Variants in STOX2 observed in about 807,000 individuals in gnomAD.
The protein encoded by STOX2 is storkhead-box protein 2.
STOX2 carries 28 observed loss-of-function variants against 60.9 expected under a neutral mutation model. That is an observed-to-expected ratio of 0.46 (90% CI 0.34 to 0.63). STOX2 has a LOEUF of 0.63. Among genes scored for constraint, STOX2 ranks in the 30% least tolerant of loss-of-function variants. The pLI is 0.01. For missense variants in STOX2, 1,024 were observed against 1,187.7 expected (o/e 0.86, Z 2.03); for synonymous variants, 472 against 463.9 (o/e 1.02, Z -0.22).
chr4:183,917,781 T>C (rs1004731090), intron 1 of STOX2, among the ~76,000 whole-genome samples: 30 of 152,364 alleles, frequency 2.0e-4, no homozygotes, highest in African/African-American at 7.0e-4. Context: ...AATGCCTTTA[T>C]GTGGTAAGGC....
At chr4:183,913,116 GA>G (rs1263024409) in intron 1 of STOX2, among the ~76,000 whole-genome samples, 1 of 152,150 alleles carries the variant, frequency 6.6e-6, no homozygotes, top group East Asian at 1.9e-4. Context: ...GGGTCTTGAA[GA>G]AGTGGGTCGA....
chr4:183,992,055 C>G (rs1733130939), intron 1 of STOX2, among the ~76,000 whole-genome samples: 1 of 152,174 alleles, frequency 6.6e-6, no homozygotes, highest in African/African-American at 2.4e-5. Flanking sequence ...CTCTGTGTAT[C>G]TGATCTGATC....
intron 1 of STOX2, among the ~76,000 whole-genome samples, chr4:183,850,130 A>T (rs1414280454): frequency 2.0e-5 from 3 of 151,604 alleles, no homozygotes; most frequent in Non-Finnish European, 4.4e-5. Context: ...CAGCTGGCTA[A>T]TTTTTTGTAT....
intron 1 of STOX2, among the ~76,000 whole-genome samples, chr4:183,897,561 T>G (rs545885193): frequency 6.6e-6 from 1 of 152,350 alleles, no homozygotes; most frequent in East Asian, 1.9e-4. Flanking sequence ...TTTAGTGAAA[T>G]GAGCAACTTT....
intron 1 of STOX2, among the ~76,000 whole-genome samples, chr4:183,920,915 C>A (rs1742082215): frequency 6.6e-6 from 1 of 152,180 alleles, no homozygotes; most frequent in Non-Finnish European, 1.5e-5. Flanking sequence ...AGGTACCTGA[C>A]AACAAAATTT....
chr4:183,959,135 A>G (rs1369424111), intron 1 of STOX2, among the ~76,000 whole-genome samples: 1 of 152,002 alleles, frequency 6.6e-6, no homozygotes, highest in Non-Finnish European at 1.5e-5. Flanking sequence ...CAGCTGTAAC[A>G]CTTGGATTTT....
At position 184,011,285 on chromosome 4, in the gene STOX2, G is replaced by A; in HGVS notation, c.2447G>A (p.Arg816Lys). ...CGGGAGAAGGAAAGAGACTTGCAGA[G>A]GAAATTTGAAAAGAACCTCACCCTT... ...LEREKERDLQ[R>K]KFEKNLTLLA... The change falls in exon 3 of 4, where the codon AGG becomes AAG. Residue 816 changes from arginine (R) to lysine (K), a missense_variant. By Grantham distance (26) the Arg-to-Lys change is conservative. Coordinates refer to ENST00000308497, the MANE Select transcript of STOX2 (RefSeq NM_020225.3). This position sits in a 1 kb window ranked among gnomAD's most constrained non-coding sequence, Gnocchi z 4.4. 6.2e-7 allele frequency: 1 copy of A among 1,613,938 alleles called. No homozygotes were observed. The highest frequency in any genetic ancestry group is 8.5e-7 in the Non-Finnish European group (1 of 1,179,856).
intron 1 of STOX2, among the ~76,000 whole-genome samples, chr4:183,880,878 C>G (rs924939653): frequency 1.3e-5 from 2 of 151,830 alleles, no homozygotes; most frequent in Admixed American, 1.3e-4. Context: ...TTTTTTTTCA[C>G]CTGTGTACAG....
intron 1 of STOX2, among the ~76,000 whole-genome samples, chr4:183,999,724 G>C (rs945211580): frequency 6.6e-6 from 1 of 152,094 alleles, no homozygotes; most frequent in Non-Finnish European, 1.5e-5. Flanking sequence ...TGATTTCATC[G>C]AGCAAACCAT....
chr4:183,834,489 G>C (rs1268401670), intron 1 of STOX2, among the ~76,000 whole-genome samples: 1 of 151,990 alleles, frequency 6.6e-6, no homozygotes, highest in East Asian at 1.9e-4. Context: ...GGAGAGGTGC[G>C]GAGTTGGAAT....
chr4:183,979,323 A>G (rs1732566484), intron 1 of STOX2, among the ~76,000 whole-genome samples: 1 of 152,202 alleles, frequency 6.6e-6, no homozygotes, highest in South Asian at 2.1e-4. Flanking sequence ...AGATGGTGTT[A>G]ACTCATTCAT....
intron 1 of STOX2, among the ~76,000 whole-genome samples, chr4:183,837,774 G>C (rs567670603): frequency 6.6e-5 from 10 of 152,212 alleles, no homozygotes; most frequent in Non-Finnish European, 1.2e-4. Context: ...GCATGTTGTA[G>C]CACATATTAA....
chr4:183,855,021 A>T (rs1740254556), intron 1 of STOX2, among the ~76,000 whole-genome samples: 1 of 152,244 alleles, frequency 6.6e-6, no homozygotes, highest in Admixed American at 6.5e-5. Context: ...ATTAATGTTT[A>T]AGCAAGAAAC....
chr4:184,009,380 C>G lies in STOX2; in HGVS notation c.542C>G (p.Ser181Cys). The G allele has an allele frequency of 6.2e-7, 1 of 1,614,070 alleles. No individual in the cohort carries two copies. Among genetic ancestry groups the G allele is most frequent in the Non-Finnish European group, 8.5e-7 (1 of 1,179,898 alleles). ...CCGCAACCCGGGACCATCACGCCCT[C>G]TGCCTCAGGCTGTGTCAGGGAAAGG... The part of the protein sequence containing the change: ...TSPQPGTITP[S>C]ASGCVRERTL... Residue 181 changes from serine (S) to cysteine (C), a missense_variant, in exon 3 of 4, where the codon TCT becomes TGT. Coordinates refer to ENST00000308497, the MANE Select transcript of STOX2 (RefSeq NM_020225.3). The surrounding 1 kb of genome is among the most constrained non-coding windows in gnomAD (Gnocchi z 4.0).
chr4:183,832,506 T>C (rs926772151), intron 1 of STOX2, among the ~76,000 whole-genome samples: 2 of 141,926 alleles, frequency 1.4e-5, no homozygotes, highest in Non-Finnish European at 3.0e-5. Context: ...TTTTTTTTTT[T>C]TTGAGACGGA....
At chr4:183,989,804 A>G (rs1733020742) in intron 1 of STOX2, among the ~76,000 whole-genome samples, 1 of 152,232 alleles carries the variant, frequency 6.6e-6, no homozygotes, top group Admixed American at 6.5e-5. Flanking sequence ...GGTCCTCAAA[A>G]GTACATTACA....
chr4:183,999,931 A>G (rs1280385313), intron 1 of STOX2, among the ~76,000 whole-genome samples: 1 of 152,194 alleles, frequency 6.6e-6, no homozygotes, highest in Non-Finnish European at 1.5e-5. Flanking sequence ...GGTTTTGGTC[A>G]ACCATGGTAG....
chr4:183,890,536 A>AGGAAGGAGAGAGGGAGGGGGGGAG (rs70959155), intron 1 of STOX2, among the ~76,000 whole-genome samples: 1 of 122,570 alleles, frequency 8.2e-6, no homozygotes. Flanking sequence ...AAAGGAGGGA[A>AGGAAGGAGAGAGGGAGGGGGGGAG]GGAAGGAGAG....
chr4:183,877,314 C>T (rs1740851978), intron 1 of STOX2, among the ~76,000 whole-genome samples: 1 of 152,158 alleles, frequency 6.6e-6, no homozygotes, highest in Non-Finnish European at 1.5e-5. Context: ...AATCTCGGGT[C>T]CGCACACAGA....
Sources: allele counts gnomAD v4.1 joint callset (sites outside exome capture counted in the v4.1 genomes callset), GRCh38; gene constraint gnomAD v4.1.1; non-coding constraint Gnocchi (gnomAD v3.1); transcripts MANE v1.5; gene names NCBI Gene and HGNC (gene_info 2026-07-23, HGNC 2026-07-21).